The following AGMO variants were observed in gnomAD, a reference collection of about 807,000 sequenced individuals.
AGMO encodes glyceryl-ether monooxygenase.
Under a neutral mutation model 60.2 loss-of-function variants are expected in AGMO, and 75 were observed. That is an observed-to-expected ratio of 1.25 (90% CI 1.03 to 1.51). AGMO has a LOEUF of 1.51. Among genes scored for constraint, AGMO ranks in the 40% most tolerant of loss-of-function variants. AGMO has a pLI of 0.00. For missense variants in AGMO, 763 were observed against 525.5 expected, an observed-to-expected ratio of 1.45 and a Z score of -4.42; for synonymous variants, 261 against 177.1, an observed-to-expected ratio of 1.47 and a Z score of -3.76.
intron 3 of AGMO, among the ~76,000 whole-genome samples, chr7:15,501,447 C>G (rs566696791): frequency 4.0e-5 from 6 of 151,676 alleles, no homozygotes; most frequent in African/African-American, 1.5e-4. Context: ...TCATGGTATT[C>G]TCTCCACTTT....
At chr7:15,488,735 A>G (rs553324637) in intron 3 of AGMO, among the ~76,000 whole-genome samples, 1 of 152,294 alleles carries the variant, frequency 6.6e-6, no homozygotes, top group East Asian at 1.9e-4. Context: ...TAAGATAACT[A>G]GCCAGGCAAG....
chr7:15,470,985 T>C (rs1782438317), intron 3 of AGMO, among the ~76,000 whole-genome samples: 1 of 151,964 alleles, frequency 6.6e-6, no homozygotes, highest in Admixed American at 6.6e-5. Context: ...GGGCCAGCCA[T>C]ATGCCTCTAA....
intron 3 of AGMO, among the ~76,000 whole-genome samples, chr7:15,523,348 T>G (rs1371122667): frequency 3.3e-5 from 5 of 152,170 alleles, no homozygotes; most frequent in Non-Finnish European, 7.3e-5. Flanking sequence ...ACCCAAAGGA[T>G]TATAAATCAT....
intron 3 of AGMO, among the ~76,000 whole-genome samples, chr7:15,497,587 T>C (rs1371921251): frequency 6.6e-6 from 1 of 152,026 alleles, no homozygotes; most frequent in African/African-American, 2.4e-5. Context: ...CAATTAGACT[T>C]TTTTACTTTG....
In AGMO at chr7:15,560,168, G is replaced by C; in HGVS notation, c.230C>G (p.Ser77Ter). 6.2e-7 allele frequency: 1 copy of C among 1,612,808 alleles called. No homozygotes were observed. Among genetic ancestry groups the C allele is most frequent in the Non-Finnish European group, 8.5e-7 (1 of 1,179,098 alleles). ...TGGAAGTCGAGACAGAACACCAGCT[G>C]AGATTGACGTTAAAGCATCATCCAG... ...GRLDDALTSI[S>*]AGVLSRLPSL... The change falls in exon 2 of 13, where the codon TCA (serine) becomes TGA (stop). Residue 77 changes from serine to a stop codon, truncating the protein, a stop_gained. Transcript: ENST00000342526. LOFTEE classifies it high-confidence loss of function.
intron 3 of AGMO, among the ~76,000 whole-genome samples, chr7:15,488,704 T>G (rs1782984952): frequency 6.6e-6 from 1 of 152,170 alleles, no homozygotes; most frequent in Non-Finnish European, 1.5e-5. Context: ...TTATTGAATT[T>G]GGATTATCAC....
chr7:15,216,446 T>TA (rs1301648923), intron 12 of AGMO, among the ~76,000 whole-genome samples: 1 of 152,118 alleles, frequency 6.6e-6, no homozygotes, highest in Admixed American at 6.6e-5. Context: ...TAAGTAACAC[T>TA]AAAATCCAAG....
chr7:15,200,802 T>A lies in AGMO; in HGVS notation c.*483A>T, dbSNP rs754069921. ...GCCACCGCGCCTGGCCTCAGTGATGTCTTTTTCTGGAATGCAGCTTCTTAG... is the reference window on the plus strand; with the variant it reads ...GCCACCGCGCCTGGCCTCAGTGATGACTTTTTCTGGAATGCAGCTTCTTAG... On this transcript the variant is annotated 3_prime_UTR_variant, in exon 13 of 13. Coordinates refer to ENST00000342526, the MANE Select transcript of AGMO (RefSeq NM_001004320.2). 2 of 152,780 alleles carry A rather than the reference T, an allele frequency of 1.3e-5. No individual in the cohort carries two copies. Among genetic ancestry groups the A allele is most frequent in the African/African-American group, 2.4e-5 (1 of 41,466 alleles). The allele number at this position is 152,780 out of a possible 1,614,324, so 9.5% of individuals were successfully genotyped here.
chr7:15,517,035 C>T (rs1446798237), intron 3 of AGMO, among the ~76,000 whole-genome samples: 1 of 151,492 alleles, frequency 6.6e-6, no homozygotes, highest in African/African-American at 2.4e-5. Flanking sequence ...AGCTTGAACA[C>T]CACTGAGAAA....
At chr7:15,240,740 T>C (rs1583319190) in intron 12 of AGMO, among the ~76,000 whole-genome samples, 1 of 152,272 alleles carries the variant, frequency 6.6e-6, no homozygotes, top group East Asian at 1.9e-4. Context: ...TCTAAGACAT[T>C]TTTAAAGAAA....
chr7:15,127,032 A>T, the AGMO span, among the ~76,000 whole-genome samples: 1 of 152,122 alleles, frequency 6.6e-6, no homozygotes, highest in Non-Finnish European at 1.5e-5. Context: ...GAAAATGTGT[A>T]AATTTACTTA....
At chr7:15,476,409 C>G (rs549258379) in intron 3 of AGMO, among the ~76,000 whole-genome samples, 1 of 152,166 alleles carries the variant, frequency 6.6e-6, no homozygotes, top group South Asian at 2.1e-4. Context: ...AATGCTTCTT[C>G]ATGCCCCAGT....
At chr7:15,117,954 C>T in the AGMO span, among the ~76,000 whole-genome samples, 1 of 151,810 alleles carries the variant, frequency 6.6e-6, no homozygotes, top group African/African-American at 2.4e-5. Flanking sequence ...TTTGATGAAA[C>T]CATATTTCAC....
rs372685573 is a variant in AGMO, at chr7:15,542,775, A to G, written c.409+1997T>C. On this transcript the variant is annotated intron_variant, in intron 3 of 12. Transcript: ENST00000342526. Reference sequence around the variant, plus strand: ...TGTTTGATTTTGGAGTAGCCTTTGCATTTATATATGAGGAAATAGTGTCAG... The same window carrying G: ...TGTTTGATTTTGGAGTAGCCTTTGCGTTTATATATGAGGAAATAGTGTCAG... Among the ~76,000 whole-genome samples the G allele has an allele frequency of 3.9e-5, 6 of 152,302 alleles. No homozygotes were observed. The East Asian group carries it at 7.7e-4, about 20-fold the overall frequency.
chr7:15,295,339 A>G (rs2128523690), intron 12 of AGMO, among the ~76,000 whole-genome samples: 1 of 152,194 alleles, frequency 6.6e-6, no homozygotes, highest in Middle Eastern at 3.4e-3. Flanking sequence ...AAGGTAAGCA[A>G]AGCACTGTTC....
chr7:15,433,778 G>GTA (rs10670524), intron 3 of AGMO, among the ~76,000 whole-genome samples: 102,969 of 150,696 alleles, frequency 0.68, 35,645 homozygotes, highest in Middle Eastern at 0.77. Flanking sequence ...ATTAATATAT[G>GTA]TATATGTTAT....
chr7:15,384,497 A>C, intron 10 of AGMO, among the ~76,000 whole-genome samples: 1 of 152,046 alleles, frequency 6.6e-6, no homozygotes, highest in East Asian at 1.9e-4. Context: ...TTTATCCATC[A>C]ATTTTAAGTG....
chr7:15,230,009 A>G (rs1480696972), intron 12 of AGMO, among the ~76,000 whole-genome samples: 1 of 151,796 alleles, frequency 6.6e-6, no homozygotes. Flanking sequence ...AATTAAAATT[A>G]TAATTTATAC....
intron 10 of AGMO, among the ~76,000 whole-genome samples, chr7:15,382,767 T>C (rs1396714377): frequency 6.6e-6 from 1 of 152,190 alleles, no homozygotes; most frequent in Admixed American, 6.5e-5. Flanking sequence ...TCTGTTTTTT[T>C]AGAGCAGAAG....
Sources: allele counts gnomAD v4.1 joint callset (sites outside exome capture counted in the v4.1 genomes callset), GRCh38; gene constraint gnomAD v4.1.1; transcripts MANE v1.5; gene names NCBI Gene and HGNC (gene_info 2026-07-23, HGNC 2026-07-21).